Variants in SERGEF observed in about 807,000 individuals in gnomAD.
SERGEF encodes secretion regulating guanine nucleotide exchange factor.
Under a neutral mutation model 50.0 loss-of-function variants are expected in SERGEF, and 51 were observed. The ratio of observed to expected loss-of-function variants is 1.02; its 90% CI spans 0.81 to 1.29. The LOEUF (loss-of-function observed/expected upper bound fraction) is 1.29, where lower values mean the gene tolerates loss of function less well. Among genes scored for constraint, SERGEF ranks in the 50% most tolerant of loss-of-function variants. The probability of loss-of-function intolerance (pLI) is 0.00; values close to 1 mark genes in which losing one functional copy is unlikely to be tolerated. For synonymous variants in SERGEF, 205 were observed against 212.4 expected (o/e 0.97, Z 0.30); for missense variants, 521 against 557.0 (o/e 0.94, Z 0.65).
At position 18,007,977 on chromosome 11, in the gene SERGEF, T is replaced by G; in HGVS notation, c.160A>C (p.Ile54Leu). 1 of 1,613,966 alleles carries G rather than the reference T, an allele frequency of 6.2e-7. No individual in the cohort carries two copies. Among genetic ancestry groups the G allele is most frequent in the Non-Finnish European group, 8.5e-7 (1 of 1,179,888 alleles). Residue 54 changes from isoleucine to leucine, a missense_variant, in exon 2 of 11, where the codon ATC (isoleucine) becomes CTC (leucine). By Grantham distance (5) the Ile-to-Leu change is conservative. Coordinates refer to ENST00000265965, the MANE Select transcript of SERGEF (RefSeq NM_012139.4). The part of the protein sequence containing the change: ...DFCKPRSVRR[I>L]TGGGGHSAVV... Reference sequence around the variant, plus strand: ...GCAGAGTGGCCCCCTCCTCCTGTGATCCTCCTGACACTCCTGGGTTTACAG... The same window carrying G: ...GCAGAGTGGCCCCCTCCTCCTGTGAGCCTCCTGACACTCCTGGGTTTACAG...
At chr11:17,829,502 C>T (rs1259808616) in intron 10 of SERGEF, among the ~76,000 whole-genome samples, 1 of 152,068 alleles carries the variant, frequency 6.6e-6, no homozygotes, top group Non-Finnish European at 1.5e-5. Context: ...TATCGTTTTA[C>T]CTTAAAACAC....
chr11:17,802,741 GCTCC>G (rs772588298), intron 10 of SERGEF, among the ~76,000 whole-genome samples: 36 of 151,896 alleles, frequency 2.4e-4, no homozygotes, highest in Non-Finnish European at 4.9e-4. Flanking sequence ...TAACCATATG[GCTCC>G]CTCCCTCCCT....
chr11:18,004,301 G>A (rs1220788036), intron 4 of SERGEF, 140 bp downstream of exon 4: 4 of 553,652 alleles, frequency 7.2e-6, no homozygotes, highest in Non-Finnish European at 1.3e-5. Context: ...TTTCCCAGAA[G>A]GACCTATTTT....
Position 17,990,852 on chromosome 11 carries a change from C to G in SERGEF, c.685+2079G>C, listed in dbSNP as rs531507720. ...TGTGATCTCGGCTCACTGCAACCTC[C>G]GTCACCCGGGTTCATGCAATTCTCC... On this transcript the variant is annotated intron_variant, in intron 7 of 10. Transcript: ENST00000265965. Among the ~76,000 whole-genome samples the G allele has an allele frequency of 8.6e-5, 13 of 151,090 alleles. No individual in the cohort carries two copies. The South Asian group carries it at 2.5e-3, about 29-fold the overall frequency.
intron 8 of SERGEF, among the ~76,000 whole-genome samples, chr11:17,979,294 C>T (rs778984491): frequency 2.0e-5 from 3 of 152,224 alleles, no homozygotes; most frequent in Admixed American, 6.5e-5. Flanking sequence ...AGGCATGGCA[C>T]GTGAACAGGC....
rs576866548 is a variant in SERGEF, at chr11:17,911,723, A to G, written c.1012-33479T>C. On this transcript the variant is annotated intron_variant, in intron 9 of 10. Coordinates refer to ENST00000265965, the MANE Select transcript of SERGEF (RefSeq NM_012139.4). ...GGCTGTTCTCAAACTTCTGGGCTCC[A>G]GCAATCTGCTCATCTCAGCCTCCCA... Among the ~76,000 whole-genome samples the G allele has an allele frequency of 7.2e-5, 11 of 152,244 alleles. No individual in the cohort carries two copies. The South Asian group carries it at 2.3e-3, about 32-fold the overall frequency.
intron 10 of SERGEF, among the ~76,000 whole-genome samples, chr11:17,809,798 A>T (rs761346773): frequency 3.9e-5 from 6 of 152,226 alleles, no homozygotes; most frequent in Non-Finnish European, 7.3e-5. Context: ...AGTCGCAACC[A>T]GGTCTAGGAT....
intron 10 of SERGEF, among the ~76,000 whole-genome samples, chr11:17,876,100 C>T (rs1392219370): frequency 6.6e-6 from 1 of 152,198 alleles, no homozygotes; most frequent in African/African-American, 2.4e-5. Context: ...CTGCACCCTG[C>T]AGGGCACCCA....
intron 5 of SERGEF, among the ~76,000 whole-genome samples, chr11:18,000,005 C>T (rs1482202166): frequency 6.6e-6 from 1 of 152,250 alleles, no homozygotes; most frequent in East Asian, 1.9e-4. Context: ...TTTCCTTCCT[C>T]TCTACCTGCT....
chr11:17,922,704 T>G (rs1852181812), intron 9 of SERGEF, among the ~76,000 whole-genome samples: 1 of 152,232 alleles, frequency 6.6e-6, no homozygotes, highest in Non-Finnish European at 1.5e-5. Flanking sequence ...CTGCTCGTTC[T>G]TTTGTGTCCT....
intron 3 of SERGEF, among the ~76,000 whole-genome samples, chr11:18,004,906 G>C (rs1196834592): frequency 1.3e-5 from 2 of 152,166 alleles, no homozygotes; most frequent in Non-Finnish European, 2.9e-5. Flanking sequence ...CTGCTTTCTA[G>C]GGGACAGCGG....
In SERGEF at chr11:17,953,548, C is replaced by T. The variant is rs59292202; in HGVS notation, c.1011+5922G>A. ...AAACATGGAAATGCCTATTCCCAAA[C>T]TGGCCTGGGATTGAGAAGCACAGAC... On this transcript the variant is annotated intron_variant, in intron 9 of 10. Transcript: ENST00000265965. 8.6e-3 allele frequency among the ~76,000 whole-genome samples: 1,313 copies of T among 152,278 alleles called. 15 individuals carry two copies. The highest frequency in any genetic ancestry group is 0.026 in the African/African-American group (1,092 of 41,550).
At chr11:17,905,860 G>A (rs935663394) in intron 9 of SERGEF, among the ~76,000 whole-genome samples, 2 of 152,118 alleles carry the variant, frequency 1.3e-5, no homozygotes, top group African/African-American at 2.4e-5. Context: ...AAGGAGCTTG[G>A]ATGAGCAGAT....
At chr11:17,902,468 T>C (rs1851765634) in intron 9 of SERGEF, among the ~76,000 whole-genome samples, 1 of 151,868 alleles carries the variant, frequency 6.6e-6, no homozygotes, top group African/African-American at 2.4e-5. Context: ...AATGGCAGAG[T>C]TGGTGAGTGC....
intron 9 of SERGEF, among the ~76,000 whole-genome samples, chr11:17,898,731 G>A (rs569259489): frequency 6.6e-6 from 1 of 152,280 alleles, no homozygotes; most frequent in Non-Finnish European, 1.5e-5. Context: ...CTCTCTAAAT[G>A]TGTTAGCTAT....
chr11:17,967,315 G>C (rs1853145483), intron 8 of SERGEF, among the ~76,000 whole-genome samples: 1 of 152,116 alleles, frequency 6.6e-6, no homozygotes, highest in Non-Finnish European at 1.5e-5. Flanking sequence ...CTTTTCACGT[G>C]GTCACACTGG....
At chr11:17,905,466 A>G (rs939535294) in intron 9 of SERGEF, among the ~76,000 whole-genome samples, 2 of 152,232 alleles carry the variant, frequency 1.3e-5, no homozygotes, top group Non-Finnish European at 2.9e-5. Flanking sequence ...GGGAGGCACC[A>G]GCCTTGCTGA....
chr11:18,012,934 G>A lies in SERGEF; in HGVS notation c.60+17C>T. On this transcript the variant is annotated intron_variant, in intron 1 of 10. Transcript: ENST00000265965. ...GCCCCTCAGGGCCTGCACCGGCCCG[G>A]GGGCGGAGTCACGTACCCAGGCGAA... 2.6e-6 allele frequency: 4 copies of A among 1,518,388 alleles called. No homozygotes were observed. The highest frequency in any genetic ancestry group is 3.5e-6 in the Non-Finnish European group (4 of 1,141,590). 94.1% of individuals were successfully genotyped at this position (1,518,388 alleles called of 1,614,324 possible).
chr11:17,834,595 C>T lies in SERGEF; in HGVS notation c.1048+43613G>A, dbSNP rs530149926. The stretch of plus-strand genomic sequence containing the variant: ...CCCTGGAACATCTGAGGAGGAGGCC[C>T]TCTGTGATGATCTGATCCTAACCTT... On this transcript the variant is annotated intron_variant, in intron 10 of 10. Transcript: ENST00000265965. Among the ~76,000 whole-genome samples the T allele has an allele frequency of 3.3e-5, 5 of 152,264 alleles. No homozygotes were observed. The South Asian group carries it at 1.0e-3, about 32-fold the overall frequency.
Sources: allele counts gnomAD v4.1 joint callset (sites outside exome capture counted in the v4.1 genomes callset), GRCh38; gene constraint gnomAD v4.1.1; transcripts MANE v1.5; gene names NCBI Gene and HGNC (gene_info 2026-07-23, HGNC 2026-07-21).